The following EIF4G3 variants were observed in gnomAD, a reference collection of about 807,000 sequenced individuals.
EIF4G3 encodes the protein eukaryotic translation initiation factor 4 gamma 3.
EIF4G3 carries 34 observed loss-of-function variants against 186.4 expected under a neutral mutation model. The observed-to-expected ratio is 0.18, with a 90% CI of 0.14 to 0.24. The LOEUF is 0.24. Among genes scored for constraint, EIF4G3 ranks in the 10% least tolerant of loss-of-function variants. EIF4G3 has a pLI of 1.00. For synonymous variants in EIF4G3, 673 were observed against 679.5 expected (o/e 0.99, Z 0.15); for missense variants, 1,536 against 1,948.5 (o/e 0.79, Z 3.99).
intron 2 of EIF4G3, among the ~76,000 whole-genome samples, chr1:21,165,945 T>C (rs1327698085): frequency 6.6e-6 from 1 of 151,392 alleles, no homozygotes; most frequent in African/African-American, 2.4e-5. Flanking sequence ...TCCATTATCT[T>C]GAATATTCTA....
At chr1:21,092,041 G>C (rs188761969) in intron 2 of EIF4G3, among the ~76,000 whole-genome samples, 3 of 152,272 alleles carry the variant, frequency 2.0e-5, no homozygotes, top group Admixed American at 2.0e-4. Flanking sequence ...AATAGGAGTG[G>C]TGAGAGAGGG....
At chr1:20,955,109 C>CAGG (rs2096370709) in intron 12 of EIF4G3, among the ~76,000 whole-genome samples, 1 of 152,270 alleles carries the variant, frequency 6.6e-6, no homozygotes, top group African/African-American at 2.4e-5. Context: ...ATGAGGCAGG[C>CAGG]AGGAGTCAGG....
chr1:21,104,802 T>C (rs1488547207), intron 2 of EIF4G3, among the ~76,000 whole-genome samples: 2 of 151,998 alleles, frequency 1.3e-5, no homozygotes, highest in Non-Finnish European at 2.9e-5. Context: ...AGCAAAGACA[T>C]ACAACCAACC....
chr1:20,909,862 G>A (rs2154557998), intron 14 of EIF4G3, among the ~76,000 whole-genome samples: 1 of 148,290 alleles, frequency 6.7e-6, no homozygotes, highest in South Asian at 2.1e-4. Context: ...GCTCACTGTA[G>A]CCCCAGACTC....
chr1:21,006,849 A>G (rs918914451), intron 4 of EIF4G3, among the ~76,000 whole-genome samples: 2 of 152,194 alleles, frequency 1.3e-5, no homozygotes, highest in Non-Finnish European at 2.9e-5. Flanking sequence ...TGTATTTCCT[A>G]TTTTCACAAT....
At position 20,962,854 on chromosome 1, in the gene EIF4G3, T is replaced by G. The variant is rs575252523; in HGVS notation, c.714+6620A>C. ...GCTATAAAATTACATTAGTACAGTA[T>G]GTACTACAGTTAATTTTATGAAGTT... On this transcript the variant is annotated intron_variant, in intron 12 of 36. Transcript: ENST00000602326. Among the ~76,000 whole-genome samples, 33 of 152,194 alleles carry G rather than the reference T, an allele frequency of 2.2e-4. No individual in the cohort carries two copies. The East Asian group carries it at 5.8e-3, about 27-fold the overall frequency.
chr1:20,981,550 G>T (rs199900495), intron 8 of EIF4G3, among the ~76,000 whole-genome samples: 6 of 112,754 alleles, frequency 5.3e-5, no homozygotes, highest in African/African-American at 5.0e-5. Flanking sequence ...CATACTGTAT[G>T]TATACATACA....
intron 14 of EIF4G3, among the ~76,000 whole-genome samples, chr1:20,938,229 A>C (rs907455631): frequency 5.3e-5 from 8 of 152,122 alleles, no homozygotes; most frequent in African/African-American, 1.9e-4. Flanking sequence ...TCGTGACCTC[A>C]GGTGATCCAC....
At chr1:21,133,326 G>A (rs574946864) in intron 2 of EIF4G3, among the ~76,000 whole-genome samples, 1 of 152,168 alleles carries the variant, frequency 6.6e-6, no homozygotes, top group Admixed American at 6.5e-5. Flanking sequence ...CCAGGTTCCA[G>A]CAATTCTACT....
intron 4 of EIF4G3, among the ~76,000 whole-genome samples, chr1:21,008,595 T>C (rs2086017949): frequency 6.6e-6 from 1 of 152,176 alleles, no homozygotes; most frequent in African/African-American, 2.4e-5. Context: ...GGGCTCAGCC[T>C]CCCAAAGTGC....
At chr1:20,847,359 T>A (rs953350462) in intron 29 of EIF4G3, among the ~76,000 whole-genome samples, 1 of 152,194 alleles carries the variant, frequency 6.6e-6, no homozygotes, top group African/African-American at 2.4e-5. Flanking sequence ...ATTCTAAAGA[T>A]ACAACGATTC....
At chr1:21,025,516 A>C (rs1010839775) in intron 4 of EIF4G3, among the ~76,000 whole-genome samples, 2 of 152,076 alleles carry the variant, frequency 1.3e-5, no homozygotes, top group Non-Finnish European at 2.9e-5. Context: ...TGAGCACCTA[A>C]ATATAAGGGG....
chr1:20,973,078 T>C lies in EIF4G3; in HGVS notation c.515A>G (p.Gln172Arg). The change falls in exon 11 of 37, where the codon CAG (glutamine) becomes CGG (arginine). Residue 172 changes from glutamine (Q) to arginine (R), a missense_variant. Around this residue, in one of 11 missense-constraint regions of EIF4G3, gnomAD observed 194 missense variants for 212.8 expected, o/e 0.91. Coordinates refer to ENST00000602326, the MANE Select transcript of EIF4G3 (RefSeq NM_001391906.1). ...GATAGGTGCTGACTGATACACCGGC[T>C]GACTTGGGTAAAAAGGCGTTCCTAA... ...NAYGTPFYPS[Q>R]PVYQSAPIIV... 2 of 1,610,460 alleles carry C rather than the reference T, an allele frequency of 1.2e-6. No individual in the cohort carries two copies. The highest frequency in any genetic ancestry group is 1.7e-6 in the Non-Finnish European group (2 of 1,179,096).
At chr1:21,028,651 C>G (rs2092420253) in intron 4 of EIF4G3, among the ~76,000 whole-genome samples, 2 of 152,116 alleles carry the variant, frequency 1.3e-5, no homozygotes, top group Non-Finnish European at 2.9e-5. Flanking sequence ...ACAGGTGTTT[C>G]AACAAACAGT....
chr1:20,911,560 CAAAAAAAA>C (rs60071144), intron 14 of EIF4G3, among the ~76,000 whole-genome samples: 7 of 40,698 alleles, frequency 1.7e-4, no homozygotes, highest in African/African-American at 5.4e-4. Flanking sequence ...GACCCTGCCT[CAAAAAAAA>C]AAAAAAAAAA....
At chr1:21,128,013 G>C (rs1421328619) in intron 2 of EIF4G3, among the ~76,000 whole-genome samples, 2 of 151,734 alleles carry the variant, frequency 1.3e-5, no homozygotes, top group East Asian at 3.9e-4. Context: ...GACCATCCTG[G>C]CTAACACGGT....
chr1:21,160,246 A>G (rs2097740973), intron 2 of EIF4G3, among the ~76,000 whole-genome samples: 1 of 152,176 alleles, frequency 6.6e-6, no homozygotes. Context: ...ATAAAATAAA[A>G]TATATACCCA....
chr1:21,115,410 A>G (rs1430586425), intron 2 of EIF4G3, among the ~76,000 whole-genome samples: 1 of 152,206 alleles, frequency 6.6e-6, no homozygotes, highest in Admixed American at 6.5e-5. Flanking sequence ...CAATTACAAT[A>G]GTAAGATCAA....
At chr1:21,012,669 C>T (rs2087516212) in intron 4 of EIF4G3, among the ~76,000 whole-genome samples, 1 of 152,144 alleles carries the variant, frequency 6.6e-6, no homozygotes, top group Admixed American at 6.5e-5. Context: ...CAAACAAGCT[C>T]CCTGTCCAGA....
Sources: allele counts gnomAD v4.1 joint callset (sites outside exome capture counted in the v4.1 genomes callset), GRCh38; gene constraint gnomAD v4.1.1; regional missense constraint gnomAD v4.1.1; transcripts MANE v1.5; gene names NCBI Gene and HGNC (gene_info 2026-07-23, HGNC 2026-07-21).